Variants in DAGLA observed in about 807,000 individuals in gnomAD.
DAGLA encodes the protein diacylglycerol lipase alpha.
Under a neutral mutation model 102.6 loss-of-function variants are expected in DAGLA, and 22 were observed. That is an observed-to-expected ratio of 0.21 (90% confidence interval 0.15 to 0.31). DAGLA has a LOEUF of 0.31. Ranked by LOEUF, DAGLA falls within the 10% of genes least tolerant of loss-of-function variation. The pLI is 1.00. For synonymous variants in DAGLA, 578 were observed against 628.9 expected (o/e 0.92, Z 1.21); for missense variants, 927 against 1,446.6 (o/e 0.64, Z 5.83).
At chr11:61,740,442 C>T (rs1377868327) in intron 17 of DAGLA, 21 bp from the exon 18 acceptor site, 3 of 1,611,362 alleles carry the variant, frequency 1.9e-6, no homozygotes, top group South Asian at 2.2e-5. Flanking sequence ...CTTAACTCCC[C>T]TCTGTCCATG....
intron 5 of DAGLA, among the ~76,000 whole-genome samples, chr11:61,725,324 T>C (rs572128687): frequency 1.3e-5 from 2 of 152,216 alleles, no homozygotes; most frequent in East Asian, 3.9e-4. Context: ...TGATTCTCCA[T>C]CTGAGCAGCC....
intron 3 of DAGLA, among the ~76,000 whole-genome samples, chr11:61,721,857 C>A (rs1471878632): frequency 6.6e-6 from 1 of 152,272 alleles, no homozygotes; most frequent in African/African-American, 2.4e-5. Flanking sequence ...AGCTCTCACA[C>A]AACTAGTAAG....
chr11:61,720,542 A>G, intron 2 of DAGLA, 137 bp from the exon 3 acceptor site: 3 of 808,644 alleles, frequency 3.7e-6, no homozygotes, highest in Non-Finnish European at 6.0e-6. Flanking sequence ...TGCCAGGTGG[A>G]CAATGGTCTT....
chr11:61,693,295 A>G (rs1216381335), intron 1 of DAGLA, among the ~76,000 whole-genome samples: 2 of 150,012 alleles, frequency 1.3e-5, no homozygotes, highest in African/African-American at 4.9e-5. Flanking sequence ...GCTAGTTTCT[A>G]TTTTCTATAG....
At chr11:61,741,048 T>C in intron 18 of DAGLA, 114 bp from the exon 19 acceptor site, 1 of 1,005,400 alleles carries the variant, frequency 9.9e-7, no homozygotes, top group East Asian at 2.5e-5. Context: ...GGGACCCAAG[T>C]GACTCCATGA....
Position 61,684,491 on chromosome 11 carries a change from G to C in DAGLA, c.-45+3987G>C, listed in dbSNP as rs2064970574. ...GTGTGGGTGTGGACGTGGGTTGTGT[G>C]TGTGGGCAGGAAAGACCCAGGAAAC... is the stretch of plus-strand genomic sequence containing the variant. On this transcript the variant is annotated intron_variant, in intron 1 of 19. Coordinates refer to ENST00000257215, the MANE Select transcript of DAGLA (RefSeq NM_006133.3). This position sits in a 1 kb window ranked among gnomAD's most constrained non-coding sequence, Gnocchi z 4.5. Among the ~76,000 whole-genome samples, 3 of 152,180 alleles carry C rather than the reference G, an allele frequency of 2.0e-5. No homozygotes were observed. Among genetic ancestry groups the C allele is most frequent in the African/African-American group, 7.2e-5 (3 of 41,432 alleles).
At chr11:61,726,540 C>T (rs567103034) in intron 6 of DAGLA, among the ~76,000 whole-genome samples, 3 of 152,364 alleles carry the variant, frequency 2.0e-5, no homozygotes, top group Admixed American at 6.5e-5. Flanking sequence ...TGCCAGGGCA[C>T]TGCAGAAGGA....
intron 1 of DAGLA, among the ~76,000 whole-genome samples, chr11:61,710,452 G>T (rs2065185391): frequency 6.6e-6 from 1 of 152,160 alleles, no homozygotes; most frequent in Non-Finnish European, 1.5e-5. Context: ...TAGATGCGGG[G>T]CATCCTGGCA....
In DAGLA at chr11:61,723,694, G is replaced by A. The variant is rs1215521253; in HGVS notation, c.548+122G>A. The A allele has an allele frequency of 9.3e-6, 12 of 1,283,950 alleles. 1 individual carries two copies. Among genetic ancestry groups the A allele is most frequent in the African/African-American group, 5.9e-5 (4 of 67,540 alleles). 79.5% of individuals were successfully genotyped at this position (1,283,950 alleles called of 1,614,324 possible). ...ACTGCATGCCAACCTCGTGTGAGCC[G>A]TGGGCATTAGTCAAAGGGCTTAACT... On this transcript the variant is annotated intron_variant, in intron 5 of 19. Transcript: ENST00000257215.
intron 8 of DAGLA, among the ~76,000 whole-genome samples, chr11:61,729,396 G>T (rs1022024019): frequency 2.0e-5 from 3 of 152,138 alleles, no homozygotes; most frequent in Admixed American, 6.5e-5. Flanking sequence ...ATCGCCTTTC[G>T]TAGAAATCCA....
At chr11:61,682,930 AG>A (rs963210488) in intron 1 of DAGLA, among the ~76,000 whole-genome samples, 2 of 152,122 alleles carry the variant, frequency 1.3e-5, no homozygotes, top group African/African-American at 4.8e-5. Context: ...GAGGGCAGAC[AG>A]GTGTGGCACC....
chr11:61,728,921 G>A lies in DAGLA; in HGVS notation c.772-10G>A. 1 of 1,612,806 alleles carries A rather than the reference G, an allele frequency of 6.2e-7. No homozygotes were observed. Among genetic ancestry groups the A allele is most frequent in the Non-Finnish European group, 8.5e-7 (1 of 1,178,738 alleles). ...CAGTGATTGTCCTTCTTCACCTGCC[G>A]GTCTTACAGGCAAACAATGACATCT... On this transcript the variant is annotated splice_polypyrimidine_tract_variant and intron_variant, in intron 7 of 19. Transcript: ENST00000257215.
chr11:61,712,437 G>A (rs961183681), intron 1 of DAGLA, among the ~76,000 whole-genome samples: 1 of 152,156 alleles, frequency 6.6e-6, no homozygotes. Context: ...GACCCTGGGC[G>A]GCGGGTAGGA....
At chr11:61,719,246 T>C (rs1163027564) in intron 1 of DAGLA, among the ~76,000 whole-genome samples, 1 of 152,238 alleles carries the variant, frequency 6.6e-6, no homozygotes. Flanking sequence ...TGAATTCAGC[T>C]ACTTCAGAGA....
At chr11:61,723,381 C>T in intron 4 of DAGLA, 53 bp from the exon 5 acceptor site, 1 of 1,591,128 alleles carries the variant, frequency 6.3e-7, no homozygotes, top group Non-Finnish European at 8.6e-7. Flanking sequence ...AGCGGGTGAG[C>T]CAGAGAGGTG....
intron 1 of DAGLA, among the ~76,000 whole-genome samples, chr11:61,718,957 C>T (rs574538160): frequency 6.6e-6 from 1 of 152,214 alleles, no homozygotes; most frequent in Admixed American, 6.5e-5. Context: ...TCCCTGGAGC[C>T]GCCACTGGGG....
At chr11:61,702,640 G>A (rs769071433) in intron 1 of DAGLA, among the ~76,000 whole-genome samples, 2 of 152,208 alleles carry the variant, frequency 1.3e-5, no homozygotes, top group Non-Finnish European at 2.9e-5. Flanking sequence ...GGTGCCCTCT[G>A]GGCCCCCGGT....
At chr11:61,740,727 C>A in intron 18 of DAGLA, 135 bp downstream of exon 18, 1 of 1,163,574 alleles carries the variant, frequency 8.6e-7, no homozygotes, top group Non-Finnish European at 1.2e-6. Flanking sequence ...GTAGCTGGGC[C>A]AGAAAGCCCC....
chr11:61,741,362 C>T lies in DAGLA; in HGVS notation c.2171+13C>T, dbSNP rs766639029. 4 of 1,599,698 alleles carry T rather than the reference C, an allele frequency of 2.5e-6. No individual in the cohort carries two copies. In the South Asian group the frequency reaches 4.4e-5, roughly 18 times the overall value. On this transcript the variant is annotated intron_variant, in intron 19 of 19. Transcript: ENST00000257215. ...ACAGCAGCGTCAGGTGAGCCTTGGC[C>T]ACTCCCAGCCCCACCCCAGGGTGAG...
Sources: gnomAD v4.1 joint callset for allele counts (sites outside exome capture counted in the v4.1 genomes callset) on GRCh38, gnomAD v4.1.1 for gene constraint, Gnocchi (gnomAD v3.1) non-coding constraint, MANE v1.5 for transcripts, NCBI Gene and HGNC (gene_info 2026-07-23, HGNC 2026-07-21) for gene names.